The following SELENOF variants were observed in gnomAD, a reference collection of about 807,000 sequenced individuals.
SELENOF encodes the protein 15 kDa selenoprotein.
Under a neutral mutation model 20.5 loss-of-function variants are expected in SELENOF, and 16 were observed. The observed-to-expected ratio is 0.78, with a 90% CI of 0.53 to 1.19. The LOEUF is 1.19. Among genes scored for constraint, SELENOF ranks in the 50% most tolerant of loss-of-function variants. The probability of loss-of-function intolerance (pLI) is 0.00; values close to 1 mark genes in which losing one functional copy is unlikely to be tolerated. For synonymous variants in SELENOF, 78 were observed against 74.5 expected, an observed-to-expected ratio of 1.05 and a Z score of -0.24; for missense variants, 215 against 194.2, an observed-to-expected ratio of 1.11 and a Z score of -0.64.
In SELENOF at chr1:86,873,808, C is replaced by T. The variant is rs570155025; in HGVS notation, c.317-5706G>A. On this transcript the variant is annotated intron_variant, in intron 3 of 4. Transcript: ENST00000331835. Reference sequence around the variant, plus strand: ...TGGAAGTTGTGGTGAGCCAAGATTGCGCTGTCGCACTCCAGCCTGAACAAC... The same window carrying T: ...TGGAAGTTGTGGTGAGCCAAGATTGTGCTGTCGCACTCCAGCCTGAACAAC... Among the ~76,000 whole-genome samples, 25 of 149,030 alleles carry T rather than the reference C, an allele frequency of 1.7e-4. No individual in the cohort carries two copies. The South Asian group carries it at 4.2e-3, about 25-fold the overall frequency.
In SELENOF at chr1:86,863,623, G is replaced by A. The variant is rs1355960404; in HGVS notation, c.367-18C>T. 1.1e-5 allele frequency: 17 copies of A among 1,608,374 alleles called. No individual in the cohort carries two copies. Among genetic ancestry groups the A allele is most frequent in the African/African-American group, 6.7e-5 (5 of 74,686 alleles). ...CGGACATACTACAAAAAAGAGGGAC[G>A]TCATCATTACTTTCTGTTCAGAAAC... On this transcript the variant is annotated intron_variant, in intron 4 of 4. Coordinates refer to ENST00000331835, the MANE Select transcript of SELENOF (RefSeq NM_004261.5).
At chr1:86,884,346 T>TACACACACACACACACACACAC (rs142756978) in intron 2 of SELENOF, among the ~76,000 whole-genome samples, 1 of 145,442 alleles carries the variant, frequency 6.9e-6, no homozygotes, top group Non-Finnish European at 1.5e-5. Context: ...CGCACATACA[T>TACACACACACACACACACACAC]ACACACACAC....
rs1169682151 is a variant in SELENOF at position 86,862,768 on chromosome 1, C to A, written c.*706G>T. 1.3e-5 allele frequency: 2 copies of A among 152,212 alleles called. No homozygotes were observed. Among genetic ancestry groups the A allele is most frequent in the African/African-American group, 2.4e-5 (1 of 41,438 alleles). 9.4% of individuals were successfully genotyped at this position (152,212 alleles called of 1,614,324 possible). On this transcript the variant is annotated 3_prime_UTR_variant, in exon 5 of 5. Transcript: ENST00000331835. Reference sequence around the variant, plus strand: ...TATATTTTGGTCTTACAAATGATCACTTTTAAATGGACTTTTCTGTAAGAA... The same window carrying A: ...TATATTTTGGTCTTACAAATGATCAATTTTAAATGGACTTTTCTGTAAGAA...
chr1:86,914,478 A>G, upstream of SELENOF: 1 of 298,418 alleles, frequency 3.4e-6, no homozygotes, highest in Non-Finnish European at 6.5e-6. Flanking sequence ...GAGGAAACCA[A>G]CCGTAAACCG....
intron 2 of SELENOF, among the ~76,000 whole-genome samples, chr1:86,892,322 T>G (rs1659408173): frequency 6.6e-6 from 1 of 152,240 alleles, no homozygotes; most frequent in South Asian, 2.1e-4. Context: ...ATTATTCATA[T>G]GTTTTAAAAA....
intron 2 of SELENOF, among the ~76,000 whole-genome samples, chr1:86,885,270 G>T (rs1659184951): frequency 6.6e-6 from 1 of 152,108 alleles, no homozygotes; most frequent in Non-Finnish European, 1.5e-5. Context: ...ATTAGTAAGG[G>T]GTTAAGTGAG....
intron 1 of SELENOF, among the ~76,000 whole-genome samples, chr1:86,903,917 G>C (rs1659767717): frequency 2.0e-5 from 3 of 152,176 alleles, no homozygotes; most frequent in Admixed American, 2.0e-4. Context: ...TTATGTAATA[G>C]TCTGGTTTCT....
chr1:86,893,406 G>C (rs916469066), intron 2 of SELENOF, among the ~76,000 whole-genome samples: 2 of 144,416 alleles, frequency 1.4e-5, no homozygotes, highest in Middle Eastern at 3.4e-3. Context: ...AGATCGTCTA[G>C]ACCATCCTGG....
At chr1:86,893,678 T>C (rs1402650791) in intron 2 of SELENOF, among the ~76,000 whole-genome samples, 2 of 152,078 alleles carry the variant, frequency 1.3e-5, no homozygotes, top group African/African-American at 4.8e-5. Flanking sequence ...ACAATTCTTA[T>C]AAAAAGAGAG....
chr1:86,907,711 C>T (rs936850512), intron 1 of SELENOF, among the ~76,000 whole-genome samples: 3 of 152,112 alleles, frequency 2.0e-5, no homozygotes, highest in South Asian at 2.1e-4. Flanking sequence ...CAGCTGGATG[C>T]GGTGGCTCAC....
intron 2 of SELENOF, among the ~76,000 whole-genome samples, chr1:86,900,361 G>A (rs1285694034): frequency 3.3e-5 from 5 of 152,210 alleles, no homozygotes; most frequent in Admixed American, 2.0e-4. Flanking sequence ...CGAGGCTGGC[G>A]GATCACTCGC....
chr1:86,873,466 T>C (rs1183093817), intron 3 of SELENOF, among the ~76,000 whole-genome samples: 2 of 152,228 alleles, frequency 1.3e-5, no homozygotes, highest in Non-Finnish European at 2.9e-5. Flanking sequence ...AAAGGAAATA[T>C]TCTTCATCTG....
chr1:86,883,971 A>C (rs925436762), intron 2 of SELENOF, among the ~76,000 whole-genome samples: 1 of 152,186 alleles, frequency 6.6e-6, no homozygotes, highest in African/African-American at 2.4e-5. Context: ...TTTCAAAAAA[A>C]CTTTTGTTGA....
At chr1:86,884,329 T>C (rs1659154838) in intron 2 of SELENOF, among the ~76,000 whole-genome samples, 1 of 150,020 alleles carries the variant, frequency 6.7e-6, no homozygotes, top group Admixed American at 6.7e-5. Context: ...TCTGTGTTGT[T>C]AGCGGGCGCA....
At chr1:86,884,602 G>A (rs1659167823) in intron 2 of SELENOF, among the ~76,000 whole-genome samples, 1 of 152,054 alleles carries the variant, frequency 6.6e-6, no homozygotes, top group Non-Finnish European at 1.5e-5. Flanking sequence ...ATAAAGAAAT[G>A]ACAAATAAAG....
rs1398133279 is a variant in SELENOF at position 86,910,769 on chromosome 1, C to T, written c.84+3259G>A. Reference sequence around the variant, plus strand: ...ACCAGCTAGAGTTGCACAGCTACCACAAATTTTTGAATCATATCTAAGGCA... The same window carrying T: ...ACCAGCTAGAGTTGCACAGCTACCATAAATTTTTGAATCATATCTAAGGCA... On this transcript the variant is annotated intron_variant, in intron 1 of 4. Transcript: ENST00000331835. 2.6e-5 allele frequency among the ~76,000 whole-genome samples: 4 copies of T among 151,404 alleles called. 1 individual carries two copies. Among genetic ancestry groups the T allele is most frequent in the African/African-American group, 9.7e-5 (4 of 41,086 alleles).
chr1:86,892,557 C>A (rs887217524), intron 2 of SELENOF, among the ~76,000 whole-genome samples: 1 of 152,168 alleles, frequency 6.6e-6, no homozygotes, highest in Non-Finnish European at 1.5e-5. Flanking sequence ...CATTCTCTTT[C>A]TGACAGCCTG....
At chr1:86,896,873 G>A (rs990758151) in intron 2 of SELENOF, among the ~76,000 whole-genome samples, 2 of 152,120 alleles carry the variant, frequency 1.3e-5, no homozygotes, top group Non-Finnish European at 2.9e-5. Context: ...TAGCTATGAA[G>A]TTATGTATAT....
chr1:86,903,172 A>T, intron 2 of SELENOF, 109 bp downstream of exon 2: 1 of 961,162 alleles, frequency 1.0e-6, no homozygotes, highest in Non-Finnish European at 1.5e-6. Context: ...TTTACTAAAA[A>T]ATGTAAAAGC....
Sources: allele counts gnomAD v4.1 joint callset (sites outside exome capture counted in the v4.1 genomes callset), GRCh38; gene constraint gnomAD v4.1.1; transcripts MANE v1.5; gene names NCBI Gene and HGNC (gene_info 2026-07-23, HGNC 2026-07-21).